TENM3: variants seen among roughly 807,000 people sequenced by gnomAD.
TENM3 encodes teneurin-3.
In TENM3, 63 loss-of-function variants were observed where a neutral mutation model predicts 255.1. The ratio of observed to expected loss-of-function variants is 0.25; its 90% CI spans 0.20 to 0.30. The LOEUF (loss-of-function observed/expected upper bound fraction) is 0.30, where lower values mean the gene tolerates loss of function less well. TENM3 is among the 10% of genes least tolerant of loss of function. The pLI is 1.00. For synonymous variants in TENM3, 1,306 were observed against 1,322.3 expected (o/e 0.99, Z 0.27); for missense variants, 2,929 against 3,461.1 (o/e 0.85, Z 3.86).
chr4:182,347,079 T>C, intron 3 of TENM3, 150 bp downstream of exon 3: 5 of 747,184 alleles, frequency 6.7e-6, no homozygotes, highest in Non-Finnish European at 1.0e-5. Flanking sequence ...TTTAATGTAG[T>C]AGAACTCAAG....
At chr4:182,099,129 C>A in the TENM3 span, among the ~76,000 whole-genome samples, 3 of 151,442 alleles carry the variant, frequency 2.0e-5, no homozygotes, top group African/African-American at 7.3e-5. Context: ...GCCCAGCTAA[C>A]TTTTTTTGTA....
chr4:181,760,502 G>T, the TENM3 span, among the ~76,000 whole-genome samples: 1 of 152,176 alleles, frequency 6.6e-6, no homozygotes, highest in Middle Eastern at 3.4e-3. Context: ...TTATACCTTT[G>T]TAAGTATATA....
the TENM3 span, among the ~76,000 whole-genome samples, chr4:181,725,761 G>T: frequency 2.6e-5 from 4 of 152,078 alleles, no homozygotes; most frequent in East Asian, 3.9e-4. Flanking sequence ...ATTTTTTAAT[G>T]ATTTATTCTT....
intron 3 of TENM3, among the ~76,000 whole-genome samples, chr4:182,434,717 G>A (rs1771924912): frequency 6.6e-6 from 1 of 151,312 alleles, no homozygotes; most frequent in Non-Finnish European, 1.5e-5. Flanking sequence ...TTATCAAATT[G>A]CACCCCAGAG....
At chr4:181,780,334 T>A in the TENM3 span, among the ~76,000 whole-genome samples, 1 of 152,166 alleles carries the variant, frequency 6.6e-6, no homozygotes, top group Non-Finnish European at 1.5e-5. Context: ...CCATTCTAAC[T>A]GGTGTGAGAT....
chr4:181,550,970 T>G, the TENM3 span, among the ~76,000 whole-genome samples: 1 of 152,182 alleles, frequency 6.6e-6, no homozygotes, highest in African/African-American at 2.4e-5. Flanking sequence ...CCATTACCTT[T>G]CAGATGATTA....
At chr4:181,563,326 G>A in the TENM3 span, among the ~76,000 whole-genome samples, 2 of 152,128 alleles carry the variant, frequency 1.3e-5, no homozygotes, top group African/African-American at 4.8e-5. Context: ...GGCTTCATCT[G>A]TACTAGGTTT....
Position 182,738,285 on chromosome 4 carries a change from G to A in TENM3, c.3236-116G>A. 4 of 842,624 alleles carry A rather than the reference G, an allele frequency of 4.7e-6. No homozygotes were observed. In the South Asian group the frequency reaches 1.1e-4, roughly 24 times the overall value. 52.2% of individuals were successfully genotyped at this position (842,624 alleles called of 1,614,324 possible). On this transcript the variant is annotated intron_variant, in intron 17 of 27. Coordinates refer to ENST00000511685, the MANE Select transcript of TENM3 (RefSeq NM_001080477.4). The stretch of plus-strand genomic sequence containing the variant: ...TAAAAAATAAACTGCTCATAAATAA[G>A]TGGAAATACAGTCTCAGAACACAGA...
intron 25 of TENM3, among the ~76,000 whole-genome samples, chr4:182,791,590 G>A (rs1213753606): frequency 6.6e-6 from 1 of 152,194 alleles, no homozygotes; most frequent in Non-Finnish European, 1.5e-5. Context: ...GGTATCCACA[G>A]AAAGAAAAGG....
chr4:182,731,916 A>G (rs919686150), intron 16 of TENM3, among the ~76,000 whole-genome samples: 22 of 151,850 alleles, frequency 1.4e-4, no homozygotes, highest in East Asian at 3.9e-4. Context: ...TGAGTAGCTG[A>G]GACTACAGGC....
chr4:181,834,432 G>A, the TENM3 span, among the ~76,000 whole-genome samples: 2 of 152,266 alleles, frequency 1.3e-5, no homozygotes, highest in Middle Eastern at 3.4e-3. Flanking sequence ...TATTCCAGGG[G>A]GCTTACCGCA....
At chr4:182,305,773 G>A (rs1762099915) in intron 1 of TENM3, among the ~76,000 whole-genome samples, 1 of 152,200 alleles carries the variant, frequency 6.6e-6, no homozygotes, top group South Asian at 2.1e-4. Context: ...TGACTTTGCA[G>A]CAATACCCAA....
At chr4:181,690,180 CAG>C in the TENM3 span, among the ~76,000 whole-genome samples, 143 of 152,266 alleles carry the variant, frequency 9.4e-4, no homozygotes, top group Middle Eastern at 0.014. Flanking sequence ...CAGTCATTCA[CAG>C]AGACGGTAAG....
At chr4:181,893,694 G>A in the TENM3 span, among the ~76,000 whole-genome samples, 1 of 152,022 alleles carries the variant, frequency 6.6e-6, no homozygotes, top group African/African-American at 2.4e-5. Context: ...AAATGCTTTT[G>A]TTAGTATTTG....
the TENM3 span, among the ~76,000 whole-genome samples, chr4:181,805,597 T>TTG: frequency 8.0e-4 from 120 of 150,488 alleles, no homozygotes; most frequent in South Asian, 0.015. Context: ...GTGTGCACTT[T>TTG]TGTGTGTGTG....
Position 182,532,710 on chromosome 4 carries a change from C to T in TENM3, c.512-68214C>T, listed in dbSNP as rs143059537. On this transcript the variant is annotated intron_variant, in intron 3 of 27. Transcript: ENST00000511685. The stretch of plus-strand genomic sequence containing the variant: ...GTGACCAGAAAGAGTTAATAATGCA[C>T]CAACAGGCTGAACACTTGACTACCT... Among the ~76,000 whole-genome samples the T allele has an allele frequency of 9.5e-4, 145 of 152,216 alleles. 1 individual carries two copies. In the East Asian group the frequency reaches 0.026, roughly 28 times the overall value.
chr4:182,532,246 G>A (rs1739849232), intron 3 of TENM3, among the ~76,000 whole-genome samples: 1 of 152,126 alleles, frequency 6.6e-6, no homozygotes, highest in South Asian at 2.1e-4. Flanking sequence ...TCATGGCTCA[G>A]CTGCATACTC....
At chr4:181,744,793 C>T in the TENM3 span, among the ~76,000 whole-genome samples, 2 of 152,092 alleles carry the variant, frequency 1.3e-5, no homozygotes, top group African/African-American at 4.8e-5. Context: ...TCAAGAAGAG[C>T]CAAAGATGAC....
chr4:182,066,967 C>T, the TENM3 span, among the ~76,000 whole-genome samples: 19 of 152,280 alleles, frequency 1.2e-4, no homozygotes, highest in Non-Finnish European at 2.4e-4. Flanking sequence ...CCAGGCCACA[C>T]TTTTCAGTGA....
Sources: allele counts gnomAD v4.1 joint callset (sites outside exome capture counted in the v4.1 genomes callset), GRCh38; gene constraint gnomAD v4.1.1; transcripts MANE v1.5; gene names NCBI Gene and HGNC (gene_info 2026-07-23, HGNC 2026-07-21).